KCNQ1: variants seen among roughly 807,000 people sequenced by gnomAD.
KCNQ1 encodes potassium voltage-gated channel subfamily KQT member 1.
Under a neutral mutation model 72.4 loss-of-function variants are expected in KCNQ1, and 49 were observed. The observed-to-expected ratio is 0.68, with a 90% confidence interval of 0.54 to 0.86. KCNQ1 has a LOEUF of 0.86. Among genes scored for constraint, KCNQ1 ranks in the 40% least tolerant of loss-of-function variants. The pLI is 0.00. For synonymous variants in KCNQ1, 450 were observed against 412.6 expected (o/e 1.09, Z -1.10); for missense variants, 790 against 945.1 (o/e 0.84, Z 2.15).
Position 2,627,425 on chromosome 11 carries a change from C to CT in KCNQ1, c.1394-34535dup. The CT allele has an allele frequency of 2.5e-6, 1 of 398,516 alleles. No individual in the cohort carries two copies. The highest frequency in any genetic ancestry group is 4.4e-6 in the Non-Finnish European group (1 of 226,020). The allele number at this position is 398,516 out of a possible 1,614,324, so 24.7% of individuals were successfully genotyped here. On this transcript the variant is annotated intron_variant, in intron 10 of 15. Coordinates refer to ENST00000155840, the MANE Select transcript of KCNQ1 (RefSeq NM_000218.3). This position sits in a 1 kb window ranked among gnomAD's most constrained non-coding sequence, Gnocchi z 4.9. ...TCAAGAACTTATTCATCTGATAACT[C>CT]TATGTTTGTACCCTTCAACATTTCC...
At chr11:2,821,664 A>G in intron 15 of KCNQ1, among the ~76,000 whole-genome samples, 1 of 147,086 alleles carries the variant, frequency 6.8e-6, no homozygotes, top group East Asian at 2.0e-4. Flanking sequence ...TCTGCTGGAA[A>G]CCCTCCCAGC....
rs140023366 is a variant in KCNQ1, at chr11:2,541,160, G to A, written c.477+13142G>A. ...CAGGGAGAGAGACCCCCTTGGGGCC[G>A]CGTTCCATTTGCACATTTAATCCAG... On this transcript the variant is annotated intron_variant, in intron 2 of 15. Coordinates refer to ENST00000155840, the MANE Select transcript of KCNQ1 (RefSeq NM_000218.3). The surrounding 1 kb of genome is among the most constrained non-coding windows in gnomAD (Gnocchi z 4.8). 2.5e-4 allele frequency among the ~76,000 whole-genome samples: 38 copies of A among 152,348 alleles called. 1 individual carries two copies. The highest frequency in any genetic ancestry group is 6.8e-3 in the Middle Eastern group (2 of 294).
At chr11:2,728,469 G>C (rs908812247) in intron 11 of KCNQ1, among the ~76,000 whole-genome samples, 1 of 152,256 alleles carries the variant, frequency 6.6e-6, no homozygotes, top group Non-Finnish European at 1.5e-5. Flanking sequence ...CAAGAGCTAG[G>C]CTGGCTTCCT....
In KCNQ1 at chr11:2,750,245, G is replaced by A. The variant is rs1846207022; in HGVS notation, c.1515-18599G>A. Among the ~76,000 whole-genome samples the A allele has an allele frequency of 6.6e-6, 1 of 152,216 alleles. No individual in the cohort carries two copies. The highest frequency in any genetic ancestry group is 2.4e-5 in the African/African-American group (1 of 41,446). ...TGTATTCCAGGGAAGAATTGGGCCGGAGGCTGAAACAGGACGACAGAGCCC... is the reference window on the plus strand; with the variant it reads ...TGTATTCCAGGGAAGAATTGGGCCGAAGGCTGAAACAGGACGACAGAGCCC... On this transcript the variant is annotated intron_variant, in intron 11 of 15. Transcript: ENST00000155840. This position sits in a 1 kb window ranked among gnomAD's most constrained non-coding sequence, Gnocchi z 6.3.
intron 10 of KCNQ1, chr11:2,616,986 A>G: frequency 5.0e-6 from 2 of 397,982 alleles, no homozygotes; most frequent in Non-Finnish European, 4.4e-6. Context: ...AATTTTAAAA[A>G]TATGCATATT....
Position 2,679,528 on chromosome 11 carries a change from C to T in KCNQ1, c.1514+17447C>T. ...GTTACTTAAATGTATTGCTATACCT[C>T]ATGATGGCCATTCCATCCATTGTAA... On this transcript the variant is annotated intron_variant, in intron 11 of 15. Coordinates refer to ENST00000155840, the MANE Select transcript of KCNQ1 (RefSeq NM_000218.3). The surrounding 1 kb of genome is among the most constrained non-coding windows in gnomAD (Gnocchi z 4.8). 1 of 398,590 alleles carries T rather than the reference C, an allele frequency of 2.5e-6. No individual in the cohort carries two copies. Among genetic ancestry groups the T allele is most frequent in the Non-Finnish European group, 4.4e-6 (1 of 226,062 alleles). The allele number at this position is 398,590 out of a possible 1,614,324, so 24.7% of individuals were successfully genotyped here. A position where few individuals can be genotyped will look rare whatever the true frequency, so the allele number is the denominator to read the frequency against.
At chr11:2,456,788 AAT>A (rs1414845486) in intron 1 of KCNQ1, among the ~76,000 whole-genome samples, 2 of 120,404 alleles carry the variant, frequency 1.7e-5, no homozygotes, top group Admixed American at 9.2e-5. Context: ...AAAAAAAAAA[AAT>A]TAGCCGGGCG....
At chr11:2,644,724 A>G (rs1176437693) in intron 10 of KCNQ1, 5 of 398,504 alleles carry the variant, frequency 1.3e-5, no homozygotes, top group African/African-American at 6.2e-5. Context: ...TCCTGAAGAT[A>G]TATCTATGGT....
At chr11:2,597,431 C>A (rs1848748200) in intron 10 of KCNQ1, among the ~76,000 whole-genome samples, 1 of 152,058 alleles carries the variant, frequency 6.6e-6, no homozygotes, top group South Asian at 2.1e-4. Flanking sequence ...ACCGACATAC[C>A]CATCAGTGGA....
In KCNQ1 at chr11:2,764,452, G is replaced by A. The variant is rs189773348; in HGVS notation, c.1515-4392G>A. ...TGCTACATGCAGCTTGCTGGTGGTG[G>A]TTAGGATATTTGCACGTATGTTCAC... is the stretch of plus-strand genomic sequence containing the variant. On this transcript the variant is annotated intron_variant, in intron 11 of 15. Transcript: ENST00000155840. This position sits in a 1 kb window ranked among gnomAD's most constrained non-coding sequence, Gnocchi z 4.8. 6.1e-4 allele frequency among the ~76,000 whole-genome samples: 93 copies of A among 152,186 alleles called. No individual in the cohort carries two copies. The highest frequency in any genetic ancestry group is 2.7e-3 in the Admixed American group (41 of 15,298).
In KCNQ1 at chr11:2,817,790, C is replaced by T. The variant is rs1847648795; in HGVS notation, c.1795-29977C>T. Among the ~76,000 whole-genome samples, 3 of 152,228 alleles carry T rather than the reference C, an allele frequency of 2.0e-5. No individual in the cohort carries two copies. The South Asian group carries it at 6.2e-4, about 32-fold the overall frequency. The stretch of plus-strand genomic sequence containing the variant: ...TAGACTCAAAGAGACATGATATCCC[C>T]TTGGGCTGCAACTTAAATTCCAAGG... On this transcript the variant is annotated intron_variant, in intron 15 of 15. Coordinates refer to ENST00000155840, the MANE Select transcript of KCNQ1 (RefSeq NM_000218.3). This position sits in a 1 kb window ranked among gnomAD's most constrained non-coding sequence, Gnocchi z 6.1.
intron 11 of KCNQ1, among the ~76,000 whole-genome samples, chr11:2,700,377 C>T (rs1177799005): frequency 6.6e-6 from 1 of 152,144 alleles, no homozygotes; most frequent in Non-Finnish European, 1.5e-5. Context: ...GTGTTCACCA[C>T]CCCGGGGTGA....
chr11:2,581,343 C>T (rs1307627154), intron 6 of KCNQ1, among the ~76,000 whole-genome samples: 2 of 152,222 alleles, frequency 1.3e-5, no homozygotes, highest in Admixed American at 6.5e-5. Flanking sequence ...ACAGGGTCTC[C>T]GATGCCCCGC....
chr11:2,688,569 T>C, intron 11 of KCNQ1: 1 of 398,726 alleles, frequency 2.5e-6, no homozygotes, highest in Non-Finnish European at 4.4e-6. Context: ...CACAGCCTCA[T>C]AGCAGCCAGT....
chr11:2,750,121 C>A lies in KCNQ1; in HGVS notation c.1515-18723C>A, dbSNP rs1364878669. On this transcript the variant is annotated intron_variant, in intron 11 of 15. Transcript: ENST00000155840. This position sits in a 1 kb window ranked among gnomAD's most constrained non-coding sequence, Gnocchi z 6.3. Reference sequence around the variant, plus strand: ...TCTTGCTGGTGAAGCTGGGGAGAGACCTGCGCAACCCCACCTGAGTGAGGC... The same window carrying A: ...TCTTGCTGGTGAAGCTGGGGAGAGAACTGCGCAACCCCACCTGAGTGAGGC... Among the ~76,000 whole-genome samples the A allele has an allele frequency of 1.3e-5, 2 of 152,156 alleles. No homozygotes were observed. The highest frequency in any genetic ancestry group is 2.9e-5 in the Non-Finnish European group (2 of 68,016).
intron 1 of KCNQ1, among the ~76,000 whole-genome samples, chr11:2,472,492 C>A (rs1007072029): frequency 6.6e-6 from 1 of 152,034 alleles, no homozygotes; most frequent in African/African-American, 2.4e-5. Flanking sequence ...TGAGGCTGGT[C>A]CCTTCATCTC....
At chr11:2,466,894 CA>C (rs1267729509) in intron 1 of KCNQ1, among the ~76,000 whole-genome samples, 1 of 152,222 alleles carries the variant, frequency 6.6e-6, no homozygotes, top group Non-Finnish European at 1.5e-5. Flanking sequence ...TGCCCGCTCC[CA>C]GAACACCTGG....
intron 11 of KCNQ1, among the ~76,000 whole-genome samples, chr11:2,700,815 C>T (rs959095345): frequency 1.3e-5 from 2 of 152,130 alleles, no homozygotes; most frequent in Non-Finnish European, 2.9e-5. Flanking sequence ...CCGCGTCTGC[C>T]GGCCCCTCCC....
rs1849659100 is a variant in KCNQ1, at chr11:2,645,950, A to G, written c.1394-16011A>G. ...GCCTCTTGTTAGTCTCAAGGCATCTATGGGTCAGGGGGTTCTCTGACTAGG... is the reference window on the plus strand; with the variant it reads ...GCCTCTTGTTAGTCTCAAGGCATCTGTGGGTCAGGGGGTTCTCTGACTAGG... On this transcript the variant is annotated intron_variant, in intron 10 of 15. Coordinates refer to ENST00000155840, the MANE Select transcript of KCNQ1 (RefSeq NM_000218.3). This position sits in a 1 kb window ranked among gnomAD's most constrained non-coding sequence, Gnocchi z 5.8. The G allele has an allele frequency of 7.5e-6, 3 of 398,532 alleles. No individual in the cohort carries two copies. Among genetic ancestry groups the G allele is most frequent in the Non-Finnish European group, 1.3e-5 (3 of 226,070 alleles). The allele number at this position is 398,532 out of a possible 1,614,324, so 24.7% of individuals were successfully genotyped here.
Sources: allele counts gnomAD v4.1 joint callset (sites outside exome capture counted in the v4.1 genomes callset), GRCh38; gene constraint gnomAD v4.1.1; non-coding constraint Gnocchi (gnomAD v3.1); transcripts MANE v1.5; gene names NCBI Gene and HGNC (gene_info 2026-07-23, HGNC 2026-07-21).